Variants in GIPC3 observed in about 807,000 individuals in gnomAD.
The protein encoded by GIPC3 is PDZ domain-containing protein GIPC3.
A neutral mutation model predicts 27.3 loss-of-function variants in GIPC3; 16 were observed. The observed-to-expected ratio is 0.59, with a 90% CI of 0.40 to 0.89. GIPC3 has a LOEUF of 0.89. Among genes scored for constraint, GIPC3 ranks in the 40% least tolerant of loss-of-function variants. The pLI is 0.00. For synonymous variants in GIPC3, 194 were observed against 184.6 expected, an observed-to-expected ratio of 1.05 and a Z score of -0.41; for missense variants, 440 against 442.1, an observed-to-expected ratio of 1.00 and a Z score of 0.04.
In GIPC3 at chr19:3,592,065, C is replaced by A. The variant is rs1274810440; in HGVS notation, c.*1875C>A. ...AACACAGACAGCAGCTGAGACCCAG[C>A]CAAGTTCCAGAATCCAGCTAAGCTC... is the stretch of plus-strand genomic sequence containing the variant. On this transcript the variant is annotated 3_prime_UTR_variant, in exon 6 of 6. Coordinates refer to ENST00000644452, the MANE Select transcript of GIPC3 (RefSeq NM_133261.3). The A allele has an allele frequency of 2.4e-6, 3 of 1,232,048 alleles. No individual in the cohort carries two copies. The African/African-American group carries it at 4.7e-5, about 19-fold the overall frequency. The allele number at this position is 1,232,048 out of a possible 1,614,324, so 76.3% of individuals were successfully genotyped here. A position where few individuals can be genotyped will look rare whatever the true frequency, so the allele number is the denominator to read the frequency against.
Position 3,586,592 on chromosome 19 carries a change from G to A in GIPC3, c.323G>A (p.Gly108Asp). The change falls in exon 2 of 6, where the codon GGC (glycine) becomes GAC (aspartate). Residue 108 changes from glycine (G) to aspartate (D), a missense_variant. Physicochemically the swap from Gly to Asp is moderately conservative, Grantham distance 94. Transcript: ENST00000644452. ...LEDFIFAHVRGETKEVEVTKT... is the reference protein window; with the variant it reads ...LEDFIFAHVRDETKEVEVTKT... Reference sequence around the variant, plus strand: ...GACTTCATCTTTGCCCACGTGCGAGGCGAGACCAAGGAGGTGGAGGTCACT... The same window carrying A: ...GACTTCATCTTTGCCCACGTGCGAGACGAGACCAAGGAGGTGGAGGTCACT... 6.2e-7 allele frequency: 1 copy of A among 1,613,840 alleles called. No individual in the cohort carries two copies. Among genetic ancestry groups the A allele is most frequent in the Non-Finnish European group, 8.5e-7 (1 of 1,179,982 alleles).
At chr19:3,587,685 C>CTTTTCTTTTCTT (rs1257076313) in intron 3 of GIPC3, among the ~76,000 whole-genome samples, 8,507 of 131,728 alleles carry the variant, frequency 0.065, 808 homozygotes, top group African/African-American at 0.21. Context: ...TTTCTTTTTT[C>CTTTTCTTTTCTT]TTTTCTTTTC....
At position 3,592,151 on chromosome 19, in the gene GIPC3, CCT is replaced by C; in HGVS notation, c.*1962_*1963del. 1 of 1,232,114 alleles carries C rather than the reference CCT, an allele frequency of 8.1e-7. No homozygotes were observed. The highest frequency in any genetic ancestry group is 1.0e-6 in the Non-Finnish European group (1 of 988,126). 76.3% of individuals were successfully genotyped at this position (1,232,114 alleles called of 1,614,324 possible). On this transcript the variant is annotated 3_prime_UTR_variant, in exon 6 of 6. Coordinates refer to ENST00000644452, the MANE Select transcript of GIPC3 (RefSeq NM_133261.3). ...CAGCAATAGAATTAAGCTCCACAGC[CCT>C]GTCTAGTTCCGACAGCAGGTCCAGC... is the stretch of plus-strand genomic sequence containing the variant.
In GIPC3 at chr19:3,591,796, C is replaced by T; in HGVS notation, c.*1606C>T. ...ACCAGGCCCAACTCCAGGATTCAGA[C>T]CAGCTCTGGAACCCCATCCATCTTG... On this transcript the variant is annotated 3_prime_UTR_variant, in exon 6 of 6. Transcript: ENST00000644452. 3 of 1,233,916 alleles carry T rather than the reference C, an allele frequency of 2.4e-6. No homozygotes were observed. Among genetic ancestry groups the T allele is most frequent in the Non-Finnish European group, 3.0e-6 (3 of 989,458 alleles). 76.4% of individuals were successfully genotyped at this position (1,233,916 alleles called of 1,614,324 possible). A position where few individuals can be genotyped will look rare whatever the true frequency, so the allele number is the denominator to read the frequency against.
Position 3,585,767 on chromosome 19 carries a change from A to G in GIPC3, c.170A>G (p.Asn57Ser). ...ACGGGCAAGATCGAGGGCTTCACCA[A>G]CGTCCGCGAGCTGTACGCCAAGATC... ...SPTGKIEGFT[N>S]VRELYAKIAE... Residue 57 changes from asparagine (N) to serine (S), a missense_variant, in exon 1 of 6, where the codon AAC becomes AGC. Transcript: ENST00000644452. 1.3e-6 allele frequency: 2 copies of G among 1,547,220 alleles called. No homozygotes were observed. Among genetic ancestry groups the G allele is most frequent in the Non-Finnish European group, 1.7e-6 (2 of 1,146,002 alleles).
chr19:3,586,737 C>G, intron 2 of GIPC3, 57 bp downstream of exon 2: 1 of 1,610,406 alleles, frequency 6.2e-7, no homozygotes, highest in Non-Finnish European at 8.5e-7. Context: ...GCCCCCCCCA[C>G]TCTGGGTCGA....
In GIPC3 at chr19:3,592,857, A is replaced by C. The variant is rs10411250; in HGVS notation, c.*2667A>C. 0.53 allele frequency: 650,262 copies of C among 1,231,484 alleles called. 176,502 individuals are homozygous for C. Among genetic ancestry groups the C allele is most frequent in the Non-Finnish European group, 0.55 (547,050 of 987,804 alleles). The allele number at this position is 1,231,484 out of a possible 1,614,324, so 76.3% of individuals were successfully genotyped here. On this transcript the variant is annotated 3_prime_UTR_variant, in exon 6 of 6. Coordinates refer to ENST00000644452, the MANE Select transcript of GIPC3 (RefSeq NM_133261.3). ...AATCTGGCTGAGCCCTGGAAATGGAATCTGCCCACAGACCCCTGGCCTTGA... is the reference window on the plus strand; with the variant it reads ...AATCTGGCTGAGCCCTGGAAATGGACTCTGCCCACAGACCCCTGGCCTTGA...
At chr19:3,586,105 C>T (rs1304582204) in intron 1 of GIPC3, among the ~76,000 whole-genome samples, 2 of 152,200 alleles carry the variant, frequency 1.3e-5, no homozygotes, top group East Asian at 3.9e-4. Flanking sequence ...CGGACCCCAG[C>T]CCTCGGGGAA....
Position 3,591,949 on chromosome 19 carries a change from G to A in GIPC3, c.*1759G>A. The stretch of plus-strand genomic sequence containing the variant: ...AATTTCAAGGCCTGGCCAAGCTCCA[G>A]AGCTCAATCCAGCCCAAGCACCGCA... On this transcript the variant is annotated 3_prime_UTR_variant, in exon 6 of 6. Transcript: ENST00000644452. 8.1e-7 allele frequency: 1 copy of A among 1,232,348 alleles called. No homozygotes were observed. Among genetic ancestry groups the A allele is most frequent in the Non-Finnish European group, 1.0e-6 (1 of 988,248 alleles). The allele number at this position is 1,232,348 out of a possible 1,614,324, so 76.3% of individuals were successfully genotyped here.
At position 3,591,679 on chromosome 19, in the gene GIPC3, G is replaced by C. The variant is rs1037874404; in HGVS notation, c.*1489G>C. On this transcript the variant is annotated 3_prime_UTR_variant, in exon 6 of 6. Coordinates refer to ENST00000644452, the MANE Select transcript of GIPC3 (RefSeq NM_133261.3). The stretch of plus-strand genomic sequence containing the variant: ...AGATCCCAACCCCAGTTGCATCCAA[G>C]TGCCCATCCCCATCCTGCAGCCCAG... 1.6e-6 allele frequency: 2 copies of C among 1,234,190 alleles called. No individual in the cohort carries two copies. Among genetic ancestry groups the C allele is most frequent in the Non-Finnish European group, 2.0e-6 (2 of 989,834 alleles). 76.5% of individuals were successfully genotyped at this position (1,234,190 alleles called of 1,614,324 possible). A position where few individuals can be genotyped will look rare whatever the true frequency, so the allele number is the denominator to read the frequency against.
At position 3,592,904 on chromosome 19, in the gene GIPC3, C is replaced by T. The variant is rs1184817267; in HGVS notation, c.*2714C>T. On this transcript the variant is annotated 3_prime_UTR_variant, in exon 6 of 6. Coordinates refer to ENST00000644452, the MANE Select transcript of GIPC3 (RefSeq NM_133261.3). ...TTGACCCTAGAATCCAGCTTGAGGCCCCTGCCCCAGCCCAACCTCAGCCCC... is the reference window on the plus strand; with the variant it reads ...TTGACCCTAGAATCCAGCTTGAGGCTCCTGCCCCAGCCCAACCTCAGCCCC... 1.5e-5 allele frequency: 18 copies of T among 1,232,136 alleles called. No homozygotes were observed. Among genetic ancestry groups the T allele is most frequent in the East Asian group, 3.2e-5 (1 of 31,718 alleles). 76.3% of individuals were successfully genotyped at this position (1,232,136 alleles called of 1,614,324 possible). A position where few individuals can be genotyped will look rare whatever the true frequency, so the allele number is the denominator to read the frequency against.
chr19:3,585,867 G>A, intron 1 of GIPC3, 45 bp downstream of exon 1: 1 of 1,526,852 alleles, frequency 6.5e-7, no homozygotes, highest in Non-Finnish European at 8.8e-7. Flanking sequence ...CGCCTGATGG[G>A]GTGAGGGGTA....
chr19:3,592,058 G>A lies in GIPC3; in HGVS notation c.*1868G>A. ...GCTCCAAAACACAGACAGCAGCTGAGACCCAGCCAAGTTCCAGAATCCAGC... is the reference window on the plus strand; with the variant it reads ...GCTCCAAAACACAGACAGCAGCTGAAACCCAGCCAAGTTCCAGAATCCAGC... On this transcript the variant is annotated 3_prime_UTR_variant, in exon 6 of 6. Coordinates refer to ENST00000644452, the MANE Select transcript of GIPC3 (RefSeq NM_133261.3). 8.1e-7 allele frequency: 1 copy of A among 1,232,128 alleles called. No homozygotes were observed. The highest frequency in any genetic ancestry group is 1.0e-6 in the Non-Finnish European group (1 of 988,120). 76.3% of individuals were successfully genotyped at this position (1,232,128 alleles called of 1,614,324 possible).
Position 3,590,870 on chromosome 19 carries a change from G to A in GIPC3, c.*680G>A. ...GCTCTAGAACTCAGATGGGCTCCGAGACCAAGCCCAGCTCTAGAACCCAGA... is the reference window on the plus strand; with the variant it reads ...GCTCTAGAACTCAGATGGGCTCCGAAACCAAGCCCAGCTCTAGAACCCAGA... On this transcript the variant is annotated 3_prime_UTR_variant, in exon 6 of 6. Transcript: ENST00000644452. 4 of 1,235,822 alleles carry A rather than the reference G, an allele frequency of 3.2e-6. No individual in the cohort carries two copies. The highest frequency in any genetic ancestry group is 4.0e-6 in the Non-Finnish European group (4 of 990,538). The allele number at this position is 1,235,822 out of a possible 1,614,324, so 76.6% of individuals were successfully genotyped here.
At chr19:3,587,296 T>TTG (rs2032390674) in intron 3 of GIPC3, among the ~76,000 whole-genome samples, 2 of 152,102 alleles carry the variant, frequency 1.3e-5, no homozygotes, top group Admixed American at 6.6e-5. Flanking sequence ...GTTTGTTTGT[T>TTG]TTTGAGACGG....
At position 3,585,697 on chromosome 19, in the gene GIPC3, C is replaced by T. The variant is rs981684500; in HGVS notation, c.100C>T (p.Arg34Cys). ...PSEPPAAPRA[R>C]PRLVFRTQLA... Reference sequence around the variant, plus strand: ...GGAGCCCCCGGCCGCGCCCCGCGCCCGCCCGCGCCTCGTCTTCCGCACGCA... The same window carrying T: ...GGAGCCCCCGGCCGCGCCCCGCGCCTGCCCGCGCCTCGTCTTCCGCACGCA... The change falls in exon 1 of 6, where the codon CGC (arginine) becomes TGC (cysteine). Residue 34 changes from arginine (R) to cysteine (C), a missense_variant. By Grantham distance (180) the Arg-to-Cys change is radical. Coordinates refer to ENST00000644452, the MANE Select transcript of GIPC3 (RefSeq NM_133261.3). The T allele has an allele frequency of 6.3e-6, 9 of 1,434,276 alleles. No individual in the cohort carries two copies. The African/African-American group carries it at 1.0e-4, about 16-fold the overall frequency. The allele number at this position is 1,434,276 out of a possible 1,614,324, so 88.8% of individuals were successfully genotyped here.
Position 3,592,326 on chromosome 19 carries a change from G to A in GIPC3, c.*2136G>A. 1 of 1,231,928 alleles carries A rather than the reference G, an allele frequency of 8.1e-7. No individual in the cohort carries two copies. The highest frequency in any genetic ancestry group is 4.2e-5 in the Admixed American group (1 of 23,688). The allele number at this position is 1,231,928 out of a possible 1,614,324, so 76.3% of individuals were successfully genotyped here. ...GGACTTTGGGAAGCAGAGCAGTTCT[G>A]AAAGTCAGCTTAGCTTTGGAACTCA... On this transcript the variant is annotated 3_prime_UTR_variant, in exon 6 of 6. Coordinates refer to ENST00000644452, the MANE Select transcript of GIPC3 (RefSeq NM_133261.3).
At chr19:3,587,695 C>CTTTTTTCTTTTTTTTTTTTT (rs548820972) in intron 3 of GIPC3, among the ~76,000 whole-genome samples, 2 of 131,204 alleles carry the variant, frequency 1.5e-5, no homozygotes, top group African/African-American at 5.9e-5. Flanking sequence ...CTTTTCTTTT[C>CTTTTTTCTTTTTTTTTTTTT]TTTTTTTTTT....
rs772055400 is a variant in GIPC3, at chr19:3,590,167, G to A, written c.916G>A (p.Glu306Lys). 2.6e-5 allele frequency: 42 copies of A among 1,603,888 alleles called. No individual in the cohort carries two copies. The highest frequency in any genetic ancestry group is 6.7e-5 in the East Asian group (3 of 44,536). ...FVVEVWAAIG[E>K]AREACG ...GGTGGAAGTGTGGGCCGCCATCGGC[G>A]AGGCCAGAGAGGCCTGTGGCTAGTT... is the stretch of plus-strand genomic sequence containing the variant. Residue 306 changes from glutamate (E) to lysine (K), a missense_variant, in exon 6 of 6, where the codon GAG (glutamate) becomes AAG (lysine). Physicochemically the swap from Glu to Lys is moderately conservative, Grantham distance 56. Coordinates refer to ENST00000644452, the MANE Select transcript of GIPC3 (RefSeq NM_133261.3).
Sources: allele counts gnomAD v4.1 joint callset (sites outside exome capture counted in the v4.1 genomes callset), GRCh38; gene constraint gnomAD v4.1.1; transcripts MANE v1.5; gene names NCBI Gene and HGNC (gene_info 2026-07-23, HGNC 2026-07-21).